The following ZBTB20 variants were observed in gnomAD, a reference collection of about 807,000 sequenced individuals.
ZBTB20 encodes zinc finger and BTB domain-containing protein 20.
Under a neutral mutation model 56.9 loss-of-function variants are expected in ZBTB20, and 9 were observed. The observed-to-expected ratio is 0.16, with a 90% CI of 0.10 to 0.28. ZBTB20 has a LOEUF of 0.28. Among genes scored for constraint, ZBTB20 ranks in the 10% least tolerant of loss-of-function variants. The pLI is 1.00. For synonymous variants in ZBTB20, 417 were observed against 420.7 expected, an observed-to-expected ratio of 0.99 and a Z score of 0.11; for missense variants, 655 against 1,003.0, an observed-to-expected ratio of 0.65 and a Z score of 4.69.
intron 4 of ZBTB20, among the ~76,000 whole-genome samples, chr3:114,859,625 T>G (rs1253918298): frequency 6.8e-6 from 1 of 147,588 alleles, no homozygotes; most frequent in Non-Finnish European, 1.5e-5. Context: ...TCAAGCTATT[T>G]CCAAACATTC....
rs879293845 is a variant in ZBTB20, at chr3:114,332,056, AG to A, written c.*6948del. 7.1e-6 allele frequency: 1 copy of A among 141,258 alleles called. No homozygotes were observed. Among genetic ancestry groups the A allele is most frequent in the South Asian group, 2.3e-4 (1 of 4,376 alleles). The allele number at this position is 141,258 out of a possible 1,614,324, so 8.8% of individuals were successfully genotyped here. On this transcript the variant is annotated 3_prime_UTR_variant, in exon 12 of 12. Coordinates refer to ENST00000675478, the MANE Select transcript of ZBTB20 (RefSeq NM_001348800.3). ...ACACTAGTAGAAACAGATGCCCCCAAGGTTTTTTTTTTTTTTTTTTTTTTTT... is the reference window on the plus strand; with the variant it reads ...ACACTAGTAGAAACAGATGCCCCCAAGTTTTTTTTTTTTTTTTTTTTTTTT...
chr3:114,916,428 C>T (rs1331244552), intron 3 of ZBTB20, among the ~76,000 whole-genome samples: 4 of 152,022 alleles, frequency 2.6e-5, no homozygotes, highest in African/African-American at 7.2e-5. Flanking sequence ...GTACATATTA[C>T]GTACATACCA....
intron 6 of ZBTB20, among the ~76,000 whole-genome samples, chr3:114,623,299 G>C (rs1425512461): frequency 6.6e-6 from 1 of 152,144 alleles, no homozygotes; most frequent in Admixed American, 6.6e-5. Context: ...ACATCAGACA[G>C]GATGCAACCA....
chr3:115,020,268 AG>A (rs2080150994), intron 2 of ZBTB20, among the ~76,000 whole-genome samples: 1 of 151,196 alleles, frequency 6.6e-6, no homozygotes, highest in African/African-American at 2.4e-5. Context: ...TATATGTGTG[AG>A]CATGGTTATG....
intron 4 of ZBTB20, among the ~76,000 whole-genome samples, chr3:114,837,009 C>G (rs1223802883): frequency 1.3e-5 from 2 of 152,134 alleles, no homozygotes; most frequent in Admixed American, 1.3e-4. Context: ...GCTTCTTTGC[C>G]TATTCTGTCT....
chr3:114,669,672 A>C (rs1317653324), intron 6 of ZBTB20, among the ~76,000 whole-genome samples: 1 of 151,664 alleles, frequency 6.6e-6, no homozygotes, highest in Admixed American at 6.6e-5. Flanking sequence ...AGTTAAAGTC[A>C]TTTTTTCTAG....
At chr3:114,348,555 C>T (rs896675902) in intron 11 of ZBTB20, among the ~76,000 whole-genome samples, 5 of 152,184 alleles carry the variant, frequency 3.3e-5, no homozygotes, top group African/African-American at 9.7e-5. Flanking sequence ...TAGTGAGTCA[C>T]TCTGTTTATT....
chr3:114,430,335 C>A (rs1309311714), intron 7 of ZBTB20, among the ~76,000 whole-genome samples: 1 of 152,148 alleles, frequency 6.6e-6, no homozygotes, highest in Non-Finnish European at 1.5e-5. Context: ...TGAGGCACAG[C>A]AAGATTGTGT....
chr3:115,141,042 T>G (rs1020162352), intron 1 of ZBTB20, among the ~76,000 whole-genome samples: 3 of 152,148 alleles, frequency 2.0e-5, no homozygotes, highest in Non-Finnish European at 4.4e-5. Context: ...TTTCTTGTGC[T>G]GCCATATGTA....
At chr3:114,893,974 G>A (rs2074750854) in intron 4 of ZBTB20, among the ~76,000 whole-genome samples, 1 of 152,148 alleles carries the variant, frequency 6.6e-6, no homozygotes, top group Non-Finnish European at 1.5e-5. Context: ...TCAGTGATTA[G>A]GCATTTATGC....
At chr3:114,926,464 C>T (rs1413286476) in intron 3 of ZBTB20, among the ~76,000 whole-genome samples, 4 of 152,112 alleles carry the variant, frequency 2.6e-5, no homozygotes, top group African/African-American at 9.7e-5. Flanking sequence ...AGAAGCAAAA[C>T]TCTTGTATTA....
At chr3:114,590,294 A>G (rs2055616723) in intron 6 of ZBTB20, among the ~76,000 whole-genome samples, 1 of 151,884 alleles carries the variant, frequency 6.6e-6, no homozygotes, top group Non-Finnish European at 1.5e-5. Flanking sequence ...CGTCTCTACT[A>G]AAAATACAAA....
chr3:114,672,442 G>C (rs1036542086), intron 6 of ZBTB20, among the ~76,000 whole-genome samples: 1 of 152,122 alleles, frequency 6.6e-6, no homozygotes, highest in African/African-American at 2.4e-5. Flanking sequence ...ATTAGAGTTA[G>C]TTGACTGACT....
At chr3:114,733,683 T>C (rs1017276925) in intron 5 of ZBTB20, among the ~76,000 whole-genome samples, 16 of 152,202 alleles carry the variant, frequency 1.1e-4, no homozygotes, top group African/African-American at 3.4e-4. Flanking sequence ...GGTTGCTTTA[T>C]AAAAATTGTA....
intron 6 of ZBTB20, among the ~76,000 whole-genome samples, chr3:114,608,428 G>A (rs1397431883): frequency 6.6e-6 from 1 of 152,154 alleles, no homozygotes; most frequent in Non-Finnish European, 1.5e-5. Context: ...ACTCAGGAAT[G>A]TGCATATTTC....
intron 2 of ZBTB20, among the ~76,000 whole-genome samples, chr3:114,996,919 A>T (rs1023792910): frequency 6.6e-6 from 1 of 151,984 alleles, no homozygotes; most frequent in Admixed American, 6.6e-5. Flanking sequence ...AATGCAAATC[A>T]AAACCACAGT....
intron 5 of ZBTB20, among the ~76,000 whole-genome samples, chr3:114,773,987 G>C (rs538507382): frequency 6.6e-6 from 1 of 152,176 alleles, no homozygotes; most frequent in Non-Finnish European, 1.5e-5. Flanking sequence ...ACTGAACAAA[G>C]GAATATTGGA....
chr3:114,417,561 A>G (rs1157438344), intron 7 of ZBTB20, among the ~76,000 whole-genome samples: 1 of 152,100 alleles, frequency 6.6e-6, no homozygotes, highest in Non-Finnish European at 1.5e-5. Flanking sequence ...AAAGGACGTT[A>G]ATATAAAAGG....
At chr3:114,515,648 G>C (rs1030397743) in intron 6 of ZBTB20, among the ~76,000 whole-genome samples, 2 of 152,102 alleles carry the variant, frequency 1.3e-5, no homozygotes, top group African/African-American at 2.4e-5. Flanking sequence ...TTTGCATAGA[G>C]AAAACAGAGG....
Sources: allele counts gnomAD v4.1 joint callset (sites outside exome capture counted in the v4.1 genomes callset), GRCh38; gene constraint gnomAD v4.1.1; transcripts MANE v1.5; gene names NCBI Gene and HGNC (gene_info 2026-07-23, HGNC 2026-07-21).